CATSPERT: variants seen among roughly 807,000 people sequenced by gnomAD.
CATSPERT encodes the protein cation channel sperm-associated targeting subunit tau.
At chr2:201,558,893 T>C in the CATSPERT span, among the ~76,000 whole-genome samples, 4 of 152,130 alleles carry the variant, frequency 2.6e-5, no homozygotes, top group Non-Finnish European at 5.9e-5. Context: ...ACACCCCAGT[T>C]GCACAGAGCC....
At chr2:201,514,460 C>T in the CATSPERT span, among the ~76,000 whole-genome samples, 1 of 152,180 alleles carries the variant, frequency 6.6e-6, no homozygotes, top group Middle Eastern at 3.4e-3. Context: ...ATTTCAGAAA[C>T]AGCATCTGAC....
the CATSPERT span, among the ~76,000 whole-genome samples, chr2:201,500,065 A>C: frequency 6.6e-6 from 1 of 151,780 alleles, no homozygotes; most frequent in South Asian, 2.1e-4. Context: ...AAGAACTTAC[A>C]TTTTTTTAAG....
At chr2:201,559,499 T>C in the CATSPERT span, among the ~76,000 whole-genome samples, 2 of 152,160 alleles carry the variant, frequency 1.3e-5, no homozygotes, top group South Asian at 2.1e-4. Context: ...CTGACGCCTA[T>C]GAAACAGCCC....
the CATSPERT span, among the ~76,000 whole-genome samples, chr2:201,606,988 C>A: frequency 2.7e-5 from 4 of 150,432 alleles, no homozygotes; most frequent in Non-Finnish European, 5.9e-5. Flanking sequence ...GTTACTACTA[C>A]AGAAACCACC....
chr2:201,590,043 G>C, the CATSPERT span, among the ~76,000 whole-genome samples: 1 of 151,838 alleles, frequency 6.6e-6, no homozygotes, highest in Non-Finnish European at 1.5e-5. Flanking sequence ...GTGCAGGTTA[G>C]TTACATATGT....
chr2:201,519,983 A>C, the CATSPERT span, among the ~76,000 whole-genome samples: 2 of 152,316 alleles, frequency 1.3e-5, no homozygotes, highest in South Asian at 4.1e-4. Context: ...AAGATATTCC[A>C]CACAAACAGA....
At chr2:201,535,806 C>T in the CATSPERT span, 1 of 1,431,266 alleles carries the variant, frequency 7.0e-7, no homozygotes, top group Non-Finnish European at 9.1e-7. Flanking sequence ...TCTCCCTAGT[C>T]TTATACTTCT....
the CATSPERT span, among the ~76,000 whole-genome samples, chr2:201,560,787 C>CTT: frequency 1.4e-5 from 2 of 145,030 alleles, no homozygotes; most frequent in African/African-American, 2.5e-5. Context: ...TGAAATCTCT[C>CTT]TTTTTTTTTT....
chr2:201,618,970 G>T, the CATSPERT span: 1 of 1,613,896 alleles, frequency 6.2e-7, no homozygotes, highest in Non-Finnish European at 8.5e-7. Context: ...CTGGTTCAGG[G>T]CGTAAGGGAC....
chr2:201,575,379 T>C, the CATSPERT span: 1 of 1,449,574 alleles, frequency 6.9e-7, no homozygotes, highest in African/African-American at 1.5e-5. Flanking sequence ...TATTTCCCTG[T>C]ATATTATCGA....
At chr2:201,606,315 A>G in the CATSPERT span, among the ~76,000 whole-genome samples, 1 of 152,250 alleles carries the variant, frequency 6.6e-6, no homozygotes, top group Non-Finnish European at 1.5e-5. Flanking sequence ...ATCTATGAAG[A>G]TAAGAAATAA....
chr2:201,583,548 TAAAC>T, the CATSPERT span, among the ~76,000 whole-genome samples: 1 of 152,202 alleles, frequency 6.6e-6, no homozygotes, highest in Non-Finnish European at 1.5e-5. Context: ...TGTCATAACA[TAAAC>T]AAATAAACAG....
At chr2:201,579,877 G>T in the CATSPERT span, among the ~76,000 whole-genome samples, 1 of 148,672 alleles carries the variant, frequency 6.7e-6, no homozygotes, top group Admixed American at 6.7e-5. Context: ...TTTGAGACAG[G>T]GTCTTGCTCT....
the CATSPERT span, among the ~76,000 whole-genome samples, chr2:201,539,637 G>A: frequency 6.8e-6 from 1 of 147,472 alleles, no homozygotes; most frequent in Non-Finnish European, 1.5e-5. Context: ...TTTGTAAGAT[G>A]GCAAACTTAA....
the CATSPERT span, chr2:201,492,927 T>C: frequency 6.5e-7 from 1 of 1,536,564 alleles, no homozygotes; most frequent in South Asian, 1.2e-5. Flanking sequence ...CTGAGAGTTC[T>C]TCTAGAAACA....
chr2:201,531,237 G>A, the CATSPERT span, among the ~76,000 whole-genome samples: 2 of 151,866 alleles, frequency 1.3e-5, no homozygotes, highest in Non-Finnish European at 2.9e-5. Flanking sequence ...GGGATTATAG[G>A]GGTGAGCCAC....
chr2:201,580,901 A>T, the CATSPERT span, among the ~76,000 whole-genome samples: 1 of 152,210 alleles, frequency 6.6e-6, no homozygotes, highest in Non-Finnish European at 1.5e-5. Flanking sequence ...AGACACATGC[A>T]CAAGGAAGTC....
At chr2:201,598,600 T>A in the CATSPERT span, among the ~76,000 whole-genome samples, 3 of 152,074 alleles carry the variant, frequency 2.0e-5, no homozygotes, top group Non-Finnish European at 4.4e-5. Context: ...AACCACTTTT[T>A]TTTTTTGGTC....
chr2:201,575,562 G>T, the CATSPERT span, among the ~76,000 whole-genome samples: 3 of 152,148 alleles, frequency 2.0e-5, no homozygotes, highest in Non-Finnish European at 4.4e-5. Context: ...TGCCAGATCA[G>T]TGGGGGCATT....
Sources: gnomAD v4.1 joint callset for allele counts (sites outside exome capture counted in the v4.1 genomes callset) on GRCh38, gnomAD v4.1.1 for gene constraint, MANE v1.5 for transcripts, NCBI Gene and HGNC (gene_info 2026-07-23, HGNC 2026-07-21) for gene names.